Variants in HS6ST2 observed in about 807,000 individuals in gnomAD.
HS6ST2 encodes the protein heparan sulfate 6-O-sulfotransferase 2.
A neutral mutation model predicts 33.0 loss-of-function variants in HS6ST2; 17 were observed. The observed-to-expected ratio is 0.52, with a 90% CI of 0.35 to 0.77. The LOEUF (loss-of-function observed/expected upper bound fraction) is 0.77, where lower values mean the gene tolerates loss of function less well. HS6ST2 is among the 30% of genes least tolerant of loss of function. The pLI, the probability that HS6ST2 is intolerant of heterozygous loss-of-function variation, is 0.01. For synonymous variants in HS6ST2, 248 were observed against 237.1 expected, an observed-to-expected ratio of 1.05 and a Z score of -0.42; for missense variants, 519 against 551.7, an observed-to-expected ratio of 0.94 and a Z score of 0.59.
chrX:132,870,745 C>A (rs2066049382), intron 2 of HS6ST2, among the ~76,000 whole-genome samples: 1 of 111,671 alleles, frequency 9.0e-6, no homozygotes, highest in Non-Finnish European at 1.9e-5. Context: ...CCCTTCCTTA[C>A]ACCTTATACA....
At chrX:132,898,901 T>C (rs1406359949) in intron 2 of HS6ST2, among the ~76,000 whole-genome samples, 3 of 110,290 alleles carry the variant, frequency 2.7e-5, no homozygotes, top group Non-Finnish European at 5.7e-5. Context: ...CCAAGACCAA[T>C]AAAAGAATTG....
chrX:132,939,822 A>G (rs769495009), intron 2 of HS6ST2, among the ~76,000 whole-genome samples: 1 of 111,740 alleles, frequency 8.9e-6, no homozygotes, highest in South Asian at 3.8e-4. Context: ...ATGGAAAAAT[A>G]GCCCATGTTT....
intron 3 of HS6ST2, among the ~76,000 whole-genome samples, chrX:132,688,501 G>A (rs1323386785): frequency 9.0e-6 from 1 of 111,346 alleles, no homozygotes; most frequent in Non-Finnish European, 1.9e-5. Flanking sequence ...TTACAAGCAT[G>A]GTGGAAGGGG....
intron 2 of HS6ST2, among the ~76,000 whole-genome samples, chrX:132,760,438 C>T (rs1000793000): frequency 9.0e-6 from 1 of 111,279 alleles, no homozygotes; most frequent in African/African-American, 3.3e-5. Flanking sequence ...TCCTTCCTGC[C>T]ACCATGTGAA....
intron 2 of HS6ST2, among the ~76,000 whole-genome samples, chrX:132,868,176 A>AAAGAC (rs2066012327): frequency 8.9e-6 from 1 of 112,062 alleles, no homozygotes; most frequent in Non-Finnish European, 1.9e-5. Flanking sequence ...CAAAGATCAA[A>AAAGAC]AAGACAAAGA....
intron 2 of HS6ST2, among the ~76,000 whole-genome samples, chrX:132,798,080 C>T (rs1223621419): frequency 9.5e-6 from 1 of 105,159 alleles, no homozygotes; most frequent in African/African-American, 3.4e-5. Flanking sequence ...GTGTCCCATT[C>T]CCAATGGGGC....
chrX:132,649,882 G>A (rs1044133033), intron 4 of HS6ST2, among the ~76,000 whole-genome samples: 17 of 108,428 alleles, frequency 1.6e-4, no homozygotes, highest in Non-Finnish European at 3.2e-4. Flanking sequence ...ACACAACTCC[G>A]AAGTAGGTGA....
chrX:132,927,518 C>A (rs757043586), intron 2 of HS6ST2, among the ~76,000 whole-genome samples: 1 of 111,858 alleles, frequency 8.9e-6, no homozygotes, highest in East Asian at 2.8e-4. Flanking sequence ...CTCATTCTAG[C>A]CCATAAGTAC....
chrX:132,633,644 G>A (rs1448717305), intron 4 of HS6ST2, among the ~76,000 whole-genome samples: 1 of 111,084 alleles, frequency 9.0e-6, no homozygotes, highest in Non-Finnish European at 1.9e-5. Flanking sequence ...GATAAGGTAC[G>A]GAGTGGTCAG....
At chrX:132,693,492 G>C (rs1321337952) in intron 3 of HS6ST2, among the ~76,000 whole-genome samples, 2 of 111,539 alleles carry the variant, frequency 1.8e-5, no homozygotes, top group Admixed American at 1.9e-4. Context: ...TGGAAGGGGG[G>C]CAAGATACAA....
At chrX:132,798,931 C>T (rs2065210536) in intron 2 of HS6ST2, among the ~76,000 whole-genome samples, 1 of 111,938 alleles carries the variant, frequency 8.9e-6, no homozygotes, top group African/African-American at 3.2e-5. Context: ...GGTGAGAATT[C>T]CCTCATGTCT....
At chrX:132,735,852 T>A (rs1348295925) in intron 2 of HS6ST2, among the ~76,000 whole-genome samples, 1 of 111,469 alleles carries the variant, frequency 9.0e-6, no homozygotes, top group Non-Finnish European at 1.9e-5. Context: ...ATTTATTTAT[T>A]TTTTTGAGTT....
intron 2 of HS6ST2, among the ~76,000 whole-genome samples, chrX:132,736,976 G>T (rs759638079): frequency 8.9e-6 from 1 of 112,053 alleles, no homozygotes; most frequent in East Asian, 2.8e-4. Flanking sequence ...CAAGACACTT[G>T]GGTCATCCCA....
intron 3 of HS6ST2, among the ~76,000 whole-genome samples, chrX:132,706,417 A>T (rs1367707797): frequency 8.9e-6 from 1 of 112,149 alleles, no homozygotes; most frequent in African/African-American, 3.2e-5. Context: ...AAGATGATAC[A>T]CTGAAAATCC....
chrX:132,831,619 C>T (rs1437949924), intron 2 of HS6ST2, among the ~76,000 whole-genome samples: 1 of 111,620 alleles, frequency 9.0e-6, no homozygotes, highest in African/African-American at 3.3e-5. Flanking sequence ...AAAATGTACC[C>T]GACAGCTGTA....
chrX:132,898,801 C>T (rs2066402248), intron 2 of HS6ST2, among the ~76,000 whole-genome samples: 1 of 111,032 alleles, frequency 9.0e-6, no homozygotes, highest in African/African-American at 3.3e-5. Context: ...GAGAAGAGAG[C>T]TACATAGGAG....
chrX:132,758,077 A>C (rs2064774246), intron 2 of HS6ST2, among the ~76,000 whole-genome samples: 1 of 112,402 alleles, frequency 8.9e-6, no homozygotes, highest in African/African-American at 3.2e-5. Flanking sequence ...AAACCCAAAG[A>C]TGGGTCTTCA....
intron 2 of HS6ST2, among the ~76,000 whole-genome samples, chrX:132,728,846 T>A (rs182813018): frequency 2.4e-4 from 27 of 112,492 alleles, no homozygotes; most frequent in African/African-American, 8.1e-4. Flanking sequence ...TGATGATGAA[T>A]GTCTAGCTCT....
intron 3 of HS6ST2, among the ~76,000 whole-genome samples, chrX:132,686,787 T>C (rs901931401): frequency 8.9e-6 from 1 of 111,925 alleles, no homozygotes; most frequent in East Asian, 2.8e-4. Context: ...GTGGTGATGA[T>C]TCTGGTGCTA....
Sources: gnomAD v4.1 joint callset for allele counts (sites outside exome capture counted in the v4.1 genomes callset) on GRCh38, gnomAD v4.1.1 for gene constraint, MANE v1.5 for transcripts, NCBI Gene and HGNC (gene_info 2026-07-23, HGNC 2026-07-21) for gene names.